UBE2Q2: variants seen among roughly 807,000 people sequenced by gnomAD.
UBE2Q2 encodes the protein ubiquitin-conjugating enzyme E2 Q2.
UBE2Q2 carries 54 observed loss-of-function variants against 59.9 expected under a neutral mutation model. The ratio of observed to expected loss-of-function variants is 0.90; its 90% CI spans 0.72 to 1.13. UBE2Q2 has a LOEUF of 1.13. Among genes scored for constraint, UBE2Q2 ranks in the 50% most tolerant of loss-of-function variants. The pLI is 0.00. For missense variants in UBE2Q2, 433 were observed against 441.9 expected, an observed-to-expected ratio of 0.98 and a Z score of 0.18; for synonymous variants, 165 against 155.2, an observed-to-expected ratio of 1.06 and a Z score of -0.47.
intron 2 of UBE2Q2, among the ~76,000 whole-genome samples, chr15:75,855,728 T>A (rs1194660239): frequency 6.6e-6 from 1 of 152,192 alleles, no homozygotes; most frequent in Non-Finnish European, 1.5e-5. Context: ...TTTTTAAGTA[T>A]TTCAACAAAA....
At chr15:75,897,758 G>A (rs1314643985) in intron 12 of UBE2Q2, among the ~76,000 whole-genome samples, 3 of 151,720 alleles carry the variant, frequency 2.0e-5, no homozygotes, top group Non-Finnish European at 4.4e-5. Context: ...GCAGCCTCAA[G>A]TTCCTGGGCT....
intron 7 of UBE2Q2, 101 bp from the exon 8 acceptor site, chr15:75,878,997 G>T: frequency 1.4e-6 from 1 of 737,806 alleles, no homozygotes; most frequent in Non-Finnish European, 2.1e-6. Context: ...CTTGCCCTAG[G>T]TGCTCTATTT....
rs1395369865 is a variant in UBE2Q2, at chr15:75,899,504, A to G, written c.*46A>G. On this transcript the variant is annotated 3_prime_UTR_variant, in exon 13 of 13. Coordinates refer to ENST00000267938, the MANE Select transcript of UBE2Q2 (RefSeq NM_173469.4). ...TTGGACTAATGTTGCTTTAAAGAAA[A>G]TCTTTCTAACATGCAGACAAAAGCT... 2 of 1,541,482 alleles carry G rather than the reference A, an allele frequency of 1.3e-6. No homozygotes were observed. The highest frequency in any genetic ancestry group is 1.8e-5 in the Admixed American group (1 of 55,590).
rs1897901462 is a variant in UBE2Q2, at chr15:75,873,440, T to G, written c.460T>G (p.Leu154Val). The G allele has an allele frequency of 1.2e-6, 2 of 1,610,714 alleles. No individual in the cohort carries two copies. Among genetic ancestry groups the G allele is most frequent in the African/African-American group, 2.7e-5 (2 of 74,720 alleles). Residue 154 changes from leucine to valine, a missense_variant, in exon 5 of 13, where the codon TTA becomes GTA. By Grantham distance (32) the Leu-to-Val change is conservative. Coordinates refer to ENST00000267938, the MANE Select transcript of UBE2Q2 (RefSeq NM_173469.4). The stretch of plus-strand genomic sequence containing the variant: ...CGTCTCTTTGTAGGATATAGAAGAC[T>G]TAGATCACTATGAGATGAAGGAAGA... ...EEEMAEDIED[L>V]DHYEMKEEEP...
chr15:75,882,746 A>G (rs1056654272), intron 8 of UBE2Q2, among the ~76,000 whole-genome samples: 73 of 152,292 alleles, frequency 4.8e-4, no homozygotes, highest in African/African-American at 1.7e-3. Context: ...AATTAATTAG[A>G]ATTTGCTTAA....
intron 4 of UBE2Q2, among the ~76,000 whole-genome samples, chr15:75,872,330 A>AG (rs1053260010): frequency 9.2e-5 from 14 of 151,902 alleles, no homozygotes; most frequent in Admixed American, 7.2e-4. Flanking sequence ...TGGGGAAAAA[A>AG]AAAAAGCCGA....
At position 75,844,101 on chromosome 15, in the gene UBE2Q2, C is replaced by A. The variant is rs1206220519; in HGVS notation, c.180+255C>A. 4 of 1,414,882 alleles carry A rather than the reference C, an allele frequency of 2.8e-6. No homozygotes were observed. The South Asian group carries it at 4.6e-5, about 16-fold the overall frequency. 87.6% of individuals were successfully genotyped at this position (1,414,882 alleles called of 1,614,324 possible). A position where few individuals can be genotyped will look rare whatever the true frequency, so the allele number is the denominator to read the frequency against. ...TGGGGGCTTCTGGCCCATCTCGGTC[C>A]CCGTCTCCTAGCCCCGAGGGGGGAG... On this transcript the variant is annotated intron_variant, in intron 1 of 12. Transcript: ENST00000267938.
At position 75,899,536 on chromosome 15, in the gene UBE2Q2, G is replaced by A; in HGVS notation, c.*78G>A. On this transcript the variant is annotated 3_prime_UTR_variant, in exon 13 of 13. Coordinates refer to ENST00000267938, the MANE Select transcript of UBE2Q2 (RefSeq NM_173469.4). ...TAACATGCAGACAAAAGCTTTGAGT[G>A]CCCCTATTACAGCAGTACCGAAGAT... The A allele has an allele frequency of 8.0e-7, 1 of 1,246,956 alleles. No homozygotes were observed. Among genetic ancestry groups the A allele is most frequent in the Non-Finnish European group, 1.1e-6 (1 of 877,452 alleles). The allele number at this position is 1,246,956 out of a possible 1,614,324, so 77.2% of individuals were successfully genotyped here.
chr15:75,878,594 G>A (rs1463493697), intron 7 of UBE2Q2, among the ~76,000 whole-genome samples: 1 of 78,388 alleles, frequency 1.3e-5, no homozygotes, highest in Non-Finnish European at 2.3e-5. Flanking sequence ...GAGGCACCCG[G>A]TCTCTTAAAA....
intron 9 of UBE2Q2, among the ~76,000 whole-genome samples, chr15:75,887,151 T>C (rs1898825690): frequency 6.6e-6 from 1 of 152,236 alleles, no homozygotes; most frequent in Non-Finnish European, 1.5e-5. Context: ...TTCTGATTCC[T>C]AATAAAGTGT....
intron 5 of UBE2Q2, among the ~76,000 whole-genome samples, chr15:75,873,870 T>C (rs1010932744): frequency 6.6e-6 from 1 of 152,164 alleles, no homozygotes; most frequent in Non-Finnish European, 1.5e-5. Context: ...TAGTTTTTTT[T>C]ATTTTTAGTA....
intron 8 of UBE2Q2, among the ~76,000 whole-genome samples, chr15:75,879,812 G>A (rs1045058521): frequency 2.0e-5 from 3 of 152,116 alleles, no homozygotes; most frequent in Admixed American, 2.0e-4. Context: ...AAAGAAAACT[G>A]AGAAACACTT....
chr15:75,898,680 G>T (rs1899572848), intron 12 of UBE2Q2, among the ~76,000 whole-genome samples: 1 of 152,172 alleles, frequency 6.6e-6, no homozygotes, highest in Non-Finnish European at 1.5e-5. Context: ...CCTTGTCATT[G>T]TGAAATGACG....
chr15:75,872,906 C>G (rs1897875574), intron 4 of UBE2Q2, among the ~76,000 whole-genome samples: 1 of 152,062 alleles, frequency 6.6e-6, no homozygotes, highest in African/African-American at 2.4e-5. Flanking sequence ...TTTTTCGTTA[C>G]AGGAGAAATT....
At chr15:75,890,818 C>A in intron 10 of UBE2Q2, 101 bp from the exon 11 acceptor site, 1 of 967,270 alleles carries the variant, frequency 1.0e-6, no homozygotes, top group Non-Finnish European at 1.6e-6. Flanking sequence ...GTCTTTTTAA[C>A]ACTGATTTGC....
chr15:75,843,801 C>T lies in UBE2Q2; in HGVS notation c.135C>T (p.Ser45=). 1 of 1,604,580 alleles carries T rather than the reference C, an allele frequency of 6.2e-7. No homozygotes were observed. The highest frequency in any genetic ancestry group is 8.5e-7 in the Non-Finnish European group (1 of 1,176,948). ...HCQFLVPQQG[S]PHSLPPPLTL... ...AGTTCCTGGTGCCGCAGCAGGGCAGCCCGCACTCGCTGCCGCCGCCACTCA... is the reference window on the plus strand; with the variant it reads ...AGTTCCTGGTGCCGCAGCAGGGCAGTCCGCACTCGCTGCCGCCGCCACTCA... Residue 45 remains serine (S), a synonymous_variant, in exon 1 of 13, where the codon AGC becomes AGT. Transcript: ENST00000267938.
Position 75,877,168 on chromosome 15 carries a change from A to AAAAAG in UBE2Q2, c.674-789_674-788insGAAAA, listed in dbSNP as rs2141628843. On this transcript the variant is annotated intron_variant, in intron 6 of 12. Transcript: ENST00000267938. Reference sequence around the variant, plus strand: ...AAGAGTGAGACTCTGTCAAAAAAAAAAAAAAAAAAAAAAAAGGGTTATGAC... The same window carrying AAAAAG: ...AAGAGTGAGACTCTGTCAAAAAAAAAAAAAGAAAAAAAAAAAAAAAGGGTTATGAC... 1.3e-5 allele frequency among the ~76,000 whole-genome samples: 2 copies of AAAAAG among 150,324 alleles called. 1 individual carries two copies. Among genetic ancestry groups the AAAAAG allele is most frequent in the East Asian group, 3.9e-4 (2 of 5,160 alleles).
intron 1 of UBE2Q2, among the ~76,000 whole-genome samples, chr15:75,853,798 A>G (rs994960790): frequency 6.6e-6 from 1 of 152,150 alleles, no homozygotes; most frequent in South Asian, 2.1e-4. Flanking sequence ...TCAGTCTCCA[A>G]GCTCACTTAT....
rs556654095 is a variant in UBE2Q2, at chr15:75,843,949, C to T, written c.180+103C>T. On this transcript the variant is annotated intron_variant, in intron 1 of 12. Transcript: ENST00000267938. ...GCCTGCCCCGGAGAGGCTCCGGCTCCCCGGGCGGGGCAGGCCCGCCCCTTT... is the reference window on the plus strand; with the variant it reads ...GCCTGCCCCGGAGAGGCTCCGGCTCTCCGGGCGGGGCAGGCCCGCCCCTTT... 48 of 1,416,860 alleles carry T rather than the reference C, an allele frequency of 3.4e-5. 1 individual carries two copies. The Admixed American group carries it at 4.9e-4, about 15-fold the overall frequency. 87.8% of individuals were successfully genotyped at this position (1,416,860 alleles called of 1,614,324 possible).
Sources: allele counts gnomAD v4.1 joint callset (sites outside exome capture counted in the v4.1 genomes callset), GRCh38; gene constraint gnomAD v4.1.1; transcripts MANE v1.5; gene names NCBI Gene and HGNC (gene_info 2026-07-23, HGNC 2026-07-21).